Variants in MSH4 observed in about 807,000 individuals in gnomAD.
MSH4 encodes mutS homolog 4, also known as mutS protein homolog 4.
In MSH4, 106 loss-of-function variants were observed where a neutral mutation model predicts 113.7. That is an observed-to-expected ratio of 0.93 (90% confidence interval 0.80 to 1.10). MSH4 has a LOEUF of 1.10. Ranked by LOEUF, MSH4 falls within the 50% of genes least tolerant of loss-of-function variation. The pLI, the probability that MSH4 is intolerant of heterozygous loss-of-function variation, is 0.00. For synonymous variants in MSH4, 368 were observed against 380.2 expected (o/e 0.97, Z 0.37); for missense variants, 1,061 against 1,093.7 (o/e 0.97, Z 0.42).
intron 18 of MSH4, among the ~76,000 whole-genome samples, chr1:75,898,336 A>T (rs1652429430): frequency 6.6e-6 from 1 of 152,062 alleles, no homozygotes; most frequent in South Asian, 2.1e-4. Flanking sequence ...CCCTAGAAGT[A>T]TTAGTTTCCT....
At chr1:75,872,366 A>G (rs977312317) in intron 9 of MSH4, among the ~76,000 whole-genome samples, 2 of 152,224 alleles carry the variant, frequency 1.3e-5, no homozygotes, top group Non-Finnish European at 2.9e-5. Flanking sequence ...AAATGTCAGA[A>G]AGGCCTGCAG....
intron 7 of MSH4, among the ~76,000 whole-genome samples, chr1:75,839,989 G>C (rs1458306366): frequency 8.9e-5 from 13 of 146,472 alleles, no homozygotes; most frequent in African/African-American, 1.5e-4. Context: ...ACACCAGTTA[G>C]AATGGCAATC....
intron 4 of MSH4, among the ~76,000 whole-genome samples, chr1:75,814,769 T>G (rs1209535020): frequency 6.6e-6 from 1 of 152,158 alleles, no homozygotes; most frequent in East Asian, 1.9e-4. Flanking sequence ...TCATGTTTAT[T>G]TTTTATTATT....
intron 12 of MSH4, among the ~76,000 whole-genome samples, chr1:75,879,600 G>T (rs971020897): frequency 2.6e-5 from 4 of 151,996 alleles, no homozygotes; most frequent in Non-Finnish European, 5.9e-5. Context: ...CTGCTTAGGG[G>T]GTACTTTTTG....
intron 7 of MSH4, among the ~76,000 whole-genome samples, chr1:75,842,261 G>A (rs1441699562): frequency 1.3e-5 from 2 of 152,166 alleles, no homozygotes; most frequent in Non-Finnish European, 2.9e-5. Flanking sequence ...TTATTGTGTA[G>A]AGGAATCTCT....
At chr1:75,883,267 C>T (rs565841719) in intron 14 of MSH4, among the ~76,000 whole-genome samples, 8 of 151,240 alleles carry the variant, frequency 5.3e-5, no homozygotes, top group South Asian at 4.2e-4. Flanking sequence ...TGCCCTCCTC[C>T]GCCTCCCAAA....
chr1:75,837,767 A>G (rs1200775387), intron 7 of MSH4, among the ~76,000 whole-genome samples: 1 of 152,150 alleles, frequency 6.6e-6, no homozygotes, highest in Non-Finnish European at 1.5e-5. Context: ...AGCTAGATAC[A>G]TGAAAGTCAT....
At chr1:75,909,440 C>G (rs1490529101) in intron 19 of MSH4, among the ~76,000 whole-genome samples, 1 of 151,000 alleles carries the variant, frequency 6.6e-6, no homozygotes, top group Non-Finnish European at 1.5e-5. Flanking sequence ...ACTGCTTCTA[C>G]TCTGCCATTT....
At chr1:75,856,405 A>G (rs1302380936) in intron 8 of MSH4, among the ~76,000 whole-genome samples, 1 of 152,044 alleles carries the variant, frequency 6.6e-6, no homozygotes. Flanking sequence ...CATCACCTAC[A>G]TTAGGTATTT....
In MSH4 at chr1:75,887,334, T is replaced by C. The variant is rs372202932; in HGVS notation, c.2108-1917T>C. On this transcript the variant is annotated intron_variant, in intron 15 of 19. Transcript: ENST00000263187. ...CTTGCTTTCTATTTGCCTTCCGTCA[T>C]GATTGTAAGTTTCCTGAAGCCTCCC... Among the ~76,000 whole-genome samples, 7 of 152,096 alleles carry C rather than the reference T, an allele frequency of 4.6e-5. No homozygotes were observed. In the East Asian group the frequency reaches 5.8e-4, roughly 13 times the overall value.
chr1:75,903,424 A>G (rs1256062012), intron 19 of MSH4, among the ~76,000 whole-genome samples: 1 of 151,956 alleles, frequency 6.6e-6, no homozygotes. Flanking sequence ...TGTTTTGGTT[A>G]CTATGGCTTT....
intron 15 of MSH4, among the ~76,000 whole-genome samples, chr1:75,885,017 GTA>G (rs368190243): frequency 0.017 from 2,305 of 135,088 alleles, 44 homozygotes; most frequent in East Asian, 0.044. Context: ...GTGTATGTGT[GTA>G]TATATATATA....
intron 4 of MSH4, among the ~76,000 whole-genome samples, chr1:75,813,151 C>G (rs1650223708): frequency 6.6e-6 from 1 of 152,096 alleles, no homozygotes; most frequent in South Asian, 2.1e-4. Context: ...TTCTTTATTC[C>G]AGTGTCCATG....
chr1:75,901,171 G>T (rs1652497749), intron 19 of MSH4, among the ~76,000 whole-genome samples: 1 of 152,076 alleles, frequency 6.6e-6, no homozygotes, highest in African/African-American at 2.4e-5. Context: ...TGAAAACATT[G>T]CAATTCTTAT....
chr1:75,856,747 T>C (rs1434741687), intron 8 of MSH4, among the ~76,000 whole-genome samples: 1 of 152,230 alleles, frequency 6.6e-6, no homozygotes. Context: ...GCAATAAACA[T>C]ACATGTACAT....
chr1:75,881,348 T>C lies in MSH4; in HGVS notation c.1884T>C (p.His628=). The C allele has an allele frequency of 6.2e-7, 1 of 1,611,884 alleles. No individual in the cohort carries two copies. The highest frequency in any genetic ancestry group is 1.7e-4 in the Middle Eastern group (1 of 6,046). Reference sequence around the variant, plus strand: ...TGGATATGCTACTGTCATTTGCTCATGCCTGCACTCTTTCTGACTATGGTA... The same window carrying C: ...TGGATATGCTACTGTCATTTGCTCACGCCTGCACTCTTTCTGACTATGGTA... The part of the protein sequence containing the change: ...SMLDMLLSFA[H]ACTLSDYVRP... The change falls in exon 14 of 20, where the codon CAT becomes CAC. Residue 628 remains histidine (H), a synonymous_variant. Coordinates refer to ENST00000263187, the MANE Select transcript of MSH4 (RefSeq NM_002440.4).
intron 17 of MSH4, 114 bp downstream of exon 17, chr1:75,890,938 C>A: frequency 1.1e-6 from 1 of 936,428 alleles, no homozygotes. Flanking sequence ...AGATAGTAAA[C>A]ACATATCATC....
chr1:75,889,045 G>A (rs780072410), intron 15 of MSH4, among the ~76,000 whole-genome samples: 26 of 151,852 alleles, frequency 1.7e-4, no homozygotes, highest in Non-Finnish European at 3.4e-4. Context: ...CAGTTTCCCC[G>A]CAACACGCCC....
chr1:75,912,631 G>C, intron 19 of MSH4, 65 bp from the exon 20 acceptor site: 1 of 1,046,352 alleles, frequency 9.6e-7, no homozygotes, highest in Non-Finnish European at 1.3e-6. Context: ...TTGCCAACAT[G>C]TGGTTTAAAT....
Sources: allele counts gnomAD v4.1 joint callset (sites outside exome capture counted in the v4.1 genomes callset), GRCh38; gene constraint gnomAD v4.1.1; transcripts MANE v1.5; gene names NCBI Gene and HGNC (gene_info 2026-07-23, HGNC 2026-07-21).